Variants in AFAP1 observed in about 807,000 individuals in gnomAD.
The protein encoded by AFAP1 is actin filament-associated protein 1.
A neutral mutation model predicts 93.9 loss-of-function variants in AFAP1; 75 were observed. The ratio of observed to expected loss-of-function variants is 0.80; its 90% CI spans 0.66 to 0.97. The LOEUF (loss-of-function observed/expected upper bound fraction) is 0.97, where lower values mean the gene tolerates loss of function less well. Ranked by LOEUF, AFAP1 falls within the 50% of genes least tolerant of loss-of-function variation. AFAP1 has a pLI of 0.00. For synonymous variants in AFAP1, 517 were observed against 430.7 expected (o/e 1.20, Z -2.48); for missense variants, 1,201 against 1,050.8 (o/e 1.14, Z -1.98).
intron 3 of AFAP1, among the ~76,000 whole-genome samples, chr4:7,857,339 C>A (rs1715183607): frequency 6.6e-6 from 1 of 152,188 alleles, no homozygotes; most frequent in Non-Finnish European, 1.5e-5. Flanking sequence ...TAATCACCCA[C>A]TGCAGATTCA....
chr4:7,898,771 C>G (rs1718937125), intron 1 of AFAP1, among the ~76,000 whole-genome samples: 3 of 148,522 alleles, frequency 2.0e-5, no homozygotes, highest in Admixed American at 2.0e-4. Context: ...CTAAAAGAAC[C>G]CTTGCCTAGT....
chr4:7,773,269 C>T (rs1221115767), intron 15 of AFAP1: 1 of 463,742 alleles, frequency 2.2e-6, no homozygotes, highest in Non-Finnish European at 3.8e-6. Context: ...GCCAGGAGCT[C>T]CTGGCTCTGG....
chr4:7,824,172 G>T (rs1721223791), intron 6 of AFAP1, among the ~76,000 whole-genome samples: 1 of 152,166 alleles, frequency 6.6e-6, no homozygotes, highest in African/African-American at 2.4e-5. Context: ...ATTTCTACTT[G>T]AAGAGCCATG....
chr4:7,809,894 C>T lies in AFAP1; in HGVS notation c.905-131G>A, dbSNP rs568129916. 5.6e-6 allele frequency: 6 copies of T among 1,071,866 alleles called. No homozygotes were observed. In the South Asian group the frequency reaches 6.7e-5, roughly 12 times the overall value. The allele number at this position is 1,071,866 out of a possible 1,614,324, so 66.4% of individuals were successfully genotyped here. ...CTTTTATTAAAGACAGGGTCTCACT[C>T]TGTCCCCTGGCTGGAGTGCAGTGTT... On this transcript the variant is annotated intron_variant, in intron 8 of 17. Transcript: ENST00000420658.
In AFAP1 at chr4:7,901,394, G is replaced by A. The variant is rs551421492; in HGVS notation, c.-2-29314C>T. ...ATATGCAGAGCACCATGATAAAGAC[G>A]CCTCCATCACCAGCATGTTGGCTCT... On this transcript the variant is annotated intron_variant, in intron 1 of 17. Coordinates refer to ENST00000420658, the MANE Select transcript of AFAP1 (RefSeq NM_001134647.2). Among the ~76,000 whole-genome samples the A allele has an allele frequency of 3.3e-5, 5 of 152,284 alleles. No individual in the cohort carries two copies. In the South Asian group the frequency reaches 8.3e-4, roughly 25 times the overall value.
At chr4:7,872,475 A>G (rs957288584) in intron 1 of AFAP1, among the ~76,000 whole-genome samples, 1 of 152,218 alleles carries the variant, frequency 6.6e-6, no homozygotes, top group African/African-American at 2.4e-5. Flanking sequence ...GGTTTCAGAA[A>G]CTCAACACCC....
At position 7,768,469 on chromosome 4, in the gene AFAP1, A is replaced by G. The variant is rs77658842; in HGVS notation, c.2418+375T>C. Among the ~76,000 whole-genome samples the G allele has an allele frequency of 3.8e-3, 581 of 152,206 alleles. 4 individuals carry two copies. The highest frequency in any genetic ancestry group is 0.013 in the African/African-American group (552 of 41,518). ...CCTGGACCCTTTCCTTTGTTTTTCT[A>G]AAGAATCACACATCTGAGTGCTGAA... is the stretch of plus-strand genomic sequence containing the variant. On this transcript the variant is annotated intron_variant, in intron 17 of 17. Coordinates refer to ENST00000420658, the MANE Select transcript of AFAP1 (RefSeq NM_001134647.2).
At chr4:7,881,031 T>C (rs1258115803) in intron 1 of AFAP1, among the ~76,000 whole-genome samples, 1 of 152,124 alleles carries the variant, frequency 6.6e-6, no homozygotes, top group Non-Finnish European at 1.5e-5. Context: ...TGGTGGCCTT[T>C]TGATTTCCTT....
At chr4:7,854,787 G>C (rs1274620526) in intron 4 of AFAP1, among the ~76,000 whole-genome samples, 1 of 152,128 alleles carries the variant, frequency 6.6e-6, no homozygotes, top group East Asian at 1.9e-4. Context: ...TTTCTTATGA[G>C]ATGGTAGCCC....
intron 10 of AFAP1, among the ~76,000 whole-genome samples, chr4:7,797,653 C>T (rs1718564753): frequency 6.6e-6 from 1 of 152,146 alleles, no homozygotes; most frequent in African/African-American, 2.4e-5. Context: ...CTGGGGTTTC[C>T]TTGAGCTCCT....
chr4:7,843,644 A>G (rs28374582), intron 4 of AFAP1: 275,099 of 311,136 alleles, frequency 0.88, 121,918 homozygotes, highest in East Asian at 1. Flanking sequence ...CTGACTCCTC[A>G]CCACATTCTT....
Position 7,760,957 on chromosome 4 carries a change from C to G in AFAP1, c.*2808G>C, listed in dbSNP as rs561018372. The G allele has an allele frequency of 6.6e-6, 1 of 152,244 alleles. No homozygotes were observed. Among genetic ancestry groups the G allele is most frequent in the African/African-American group, 2.4e-5 (1 of 41,464 alleles). 9.4% of individuals were successfully genotyped at this position (152,244 alleles called of 1,614,324 possible). ...ACATTGCGAAGAAATCCGGCTTCTC[C>G]GGGGACCCTGGCCTGCCTGTCGGGC... On this transcript the variant is annotated 3_prime_UTR_variant, in exon 18 of 18. Transcript: ENST00000420658.
At position 7,838,626 on chromosome 4, in the gene AFAP1, T is replaced by C; in HGVS notation, c.624A>G (p.Lys208=). The change falls in exon 6 of 18, where the codon AAA becomes AAG. Residue 208 remains lysine, a synonymous_variant. Transcript: ENST00000420658. ...LQGCNITYIP[K]DSKKKKHELK... is the part of the protein sequence containing the mutation. ...GCTCGTGCTTCTTCTTTTTGCTGTC[T>C]TTCGGGATGTACGTAATGTTACAGC... The C allele has an allele frequency of 6.2e-7, 1 of 1,614,166 alleles. No homozygotes were observed. Among genetic ancestry groups the C allele is most frequent in the African/African-American group, 1.3e-5 (1 of 75,032 alleles).
At chr4:7,914,662 G>A (rs1719970438) in intron 1 of AFAP1, among the ~76,000 whole-genome samples, 1 of 152,202 alleles carries the variant, frequency 6.6e-6, no homozygotes, top group South Asian at 2.1e-4. Context: ...CTACACAGTA[G>A]TGGGGCTGCT....
intron 3 of AFAP1, among the ~76,000 whole-genome samples, chr4:7,868,117 G>C (rs1716631230): frequency 6.6e-6 from 1 of 151,156 alleles, no homozygotes; most frequent in African/African-American, 2.4e-5. Context: ...ATTTGAATTT[G>C]AATGCATAAA....
At chr4:7,823,093 G>A (rs1721117881) in intron 6 of AFAP1, among the ~76,000 whole-genome samples, 1 of 151,888 alleles carries the variant, frequency 6.6e-6, no homozygotes, top group Non-Finnish European at 1.5e-5. Context: ...AGCCTGCTCT[G>A]GCCCTTCTGT....
At chr4:7,935,610 G>A (rs1721328035) in intron 1 of AFAP1, among the ~76,000 whole-genome samples, 1 of 152,148 alleles carries the variant, frequency 6.6e-6, no homozygotes. Context: ...TAATACTAAA[G>A]GGAACAAGAT....
chr4:7,797,106 C>T (rs902084004), intron 10 of AFAP1, among the ~76,000 whole-genome samples: 1 of 152,012 alleles, frequency 6.6e-6, no homozygotes, highest in Non-Finnish European at 1.5e-5. Context: ...CACTGATATA[C>T]ATACATATAT....
chr4:7,905,021 T>G (rs2149220338), intron 1 of AFAP1, among the ~76,000 whole-genome samples: 1 of 152,266 alleles, frequency 6.6e-6, no homozygotes, highest in South Asian at 2.1e-4. Context: ...CAAATGTGAC[T>G]TATACAAAAT....
Sources: gnomAD v4.1 joint callset for allele counts (sites outside exome capture counted in the v4.1 genomes callset) on GRCh38, gnomAD v4.1.1 for gene constraint, MANE v1.5 for transcripts, NCBI Gene and HGNC (gene_info 2026-07-23, HGNC 2026-07-21) for gene names.